THSD4: variants seen among roughly 807,000 people sequenced by gnomAD.
THSD4 encodes thrombospondin type 1 domain containing 4, also known as thrombospondin type-1 domain-containing protein 4.
THSD4 carries 69 observed loss-of-function variants against 119.0 expected under a neutral mutation model. The observed-to-expected ratio is 0.58, with a 90% CI of 0.48 to 0.71. THSD4 has a LOEUF of 0.71. Among genes scored for constraint, THSD4 ranks in the 30% least tolerant of loss-of-function variants. The pLI is 0.00. For missense variants in THSD4, 1,393 were observed against 1,391.1 expected (o/e 1.00, Z -0.02); for synonymous variants, 524 against 540.4 (o/e 0.97, Z 0.42).
In THSD4 at chr15:71,737,855, C is replaced by G; in HGVS notation, c.1754C>G (p.Ser585Trp). The G allele has an allele frequency of 6.2e-7, 1 of 1,614,244 alleles. No individual in the cohort carries two copies. The highest frequency in any genetic ancestry group is 8.5e-7 in the Non-Finnish European group (1 of 1,180,040). Reference sequence around the variant, plus strand: ...GCCCCTGAGATGTTCACCTCAGAATCGGCACAGACCTTCCCAGTCAGGCAT... The same window carrying G: ...GCCCCTGAGATGTTCACCTCAGAATGGGCACAGACCTTCCCAGTCAGGCAT... The part of the protein sequence containing the change: ...GEAPEMFTSE[S>W]AQTFPVRHPD... Residue 585 changes from serine to tryptophan, a missense_variant, in exon 11 of 18, where the codon TCG (serine) becomes TGG (tryptophan). Transcript: ENST00000261862.
At chr15:71,352,709 A>G (rs75544071) in intron 6 of THSD4, among the ~76,000 whole-genome samples, 46 of 152,338 alleles carry the variant, frequency 3.0e-4, no homozygotes, top group Non-Finnish European at 6.2e-4. Context: ...GGGAAAAGAA[A>G]TGAATAATTG....
At chr15:71,145,818 A>T (rs1186161056) in intron 2 of THSD4, among the ~76,000 whole-genome samples, 3 of 151,774 alleles carry the variant, frequency 2.0e-5, no homozygotes, top group Non-Finnish European at 4.4e-5. Context: ...AATGGGGAGA[A>T]AGAGGTTGGG....
At chr15:71,733,459 G>C (rs958671488) in intron 10 of THSD4, 4 of 152,176 alleles carry the variant, frequency 2.6e-5, no homozygotes, top group Admixed American at 6.6e-5. Flanking sequence ...CTAGCATAGA[G>C]CCCAGAACAA....
intron 6 of THSD4, among the ~76,000 whole-genome samples, chr15:71,357,120 C>T (rs553898830): frequency 6.6e-6 from 1 of 152,294 alleles, no homozygotes; most frequent in South Asian, 2.1e-4. Context: ...AAACTACTTC[C>T]AGGCATGCCC....
At chr15:71,230,536 C>T (rs1271114993) in intron 4 of THSD4, among the ~76,000 whole-genome samples, 1 of 152,230 alleles carries the variant, frequency 6.6e-6, no homozygotes, top group African/African-American at 2.4e-5. Flanking sequence ...TTGAGTTTAT[C>T]TGTGCGACAG....
At chr15:71,276,285 C>T (rs2044589361) in intron 6 of THSD4, among the ~76,000 whole-genome samples, 1 of 152,180 alleles carries the variant, frequency 6.6e-6, no homozygotes, top group Non-Finnish European at 1.5e-5. Flanking sequence ...ATCCAGTGTA[C>T]CTCTTCGGAT....
intron 6 of THSD4, among the ~76,000 whole-genome samples, chr15:71,384,612 T>G (rs1340434575): frequency 6.6e-6 from 1 of 152,196 alleles, no homozygotes; most frequent in African/African-American, 2.4e-5. Context: ...AATAGTCTTT[T>G]AAAAGAGGCA....
At chr15:71,764,887 A>G in intron 15 of THSD4, 133 bp from the exon 16 acceptor site, 1 of 1,161,784 alleles carries the variant, frequency 8.6e-7, no homozygotes, top group Non-Finnish European at 1.2e-6. Context: ...AACATTTCCA[A>G]GTTCTCCTGG....
intron 7 of THSD4, among the ~76,000 whole-genome samples, chr15:71,537,249 A>G (rs2048699263): frequency 6.6e-6 from 1 of 152,110 alleles, no homozygotes; most frequent in African/African-American, 2.4e-5. Flanking sequence ...TCCAGCTTCC[A>G]TTCTTGCCTC....
At chr15:71,239,685 CAT>C (rs1485339927) in intron 4 of THSD4, among the ~76,000 whole-genome samples, 1 of 152,242 alleles carries the variant, frequency 6.6e-6, no homozygotes, top group East Asian at 1.9e-4. Context: ...GCGCCTACCA[CAT>C]GATTCTCCTG....
chr15:71,743,980 T>C (rs1262393863), intron 11 of THSD4, among the ~76,000 whole-genome samples: 1 of 151,826 alleles, frequency 6.6e-6, no homozygotes, highest in African/African-American at 2.4e-5. Context: ...CCGGCAGGAG[T>C]TGTATACTGG....
chr15:71,171,622 T>C (rs535379603), intron 3 of THSD4, among the ~76,000 whole-genome samples: 11 of 152,284 alleles, frequency 7.2e-5, no homozygotes, highest in African/African-American at 2.6e-4. Context: ...ATTTTAAAAG[T>C]TTCTCCTAAA....
intron 7 of THSD4, among the ~76,000 whole-genome samples, chr15:71,630,143 A>C (rs1237037996): frequency 2.0e-5 from 3 of 152,182 alleles, no homozygotes; most frequent in African/African-American, 7.2e-5. Context: ...TCCCCCAGTA[A>C]AAAAAGAAAA....
chr15:71,612,893 A>G (rs1341236488), intron 7 of THSD4, among the ~76,000 whole-genome samples: 2 of 152,228 alleles, frequency 1.3e-5, no homozygotes, highest in African/African-American at 4.8e-5. Context: ...CATCAGTAGG[A>G]AGAAGTAAAC....
intron 7 of THSD4, among the ~76,000 whole-genome samples, chr15:71,637,949 A>G (rs1345504006): frequency 6.6e-6 from 1 of 151,234 alleles, no homozygotes; most frequent in Non-Finnish European, 1.5e-5. Context: ...CTGGTCTCCA[A>G]CTCCTGACCT....
chr15:71,659,470 G>A (rs185160076), intron 7 of THSD4, among the ~76,000 whole-genome samples: 371 of 152,198 alleles, frequency 2.4e-3, no homozygotes, highest in Admixed American at 6.2e-3. Flanking sequence ...CCAGGCTGGA[G>A]TACAATGATG....
At chr15:71,483,235 T>G (rs2047761675) in intron 7 of THSD4, among the ~76,000 whole-genome samples, 3 of 152,304 alleles carry the variant, frequency 2.0e-5, no homozygotes, top group Non-Finnish European at 2.9e-5. Context: ...TCAGACTGAT[T>G]ACGCAGTCAC....
chr15:71,199,415 C>T (rs2043747854), intron 3 of THSD4, among the ~76,000 whole-genome samples: 2 of 144,372 alleles, frequency 1.4e-5, no homozygotes, highest in Admixed American at 7.2e-5. Flanking sequence ...ACCCTAGACA[C>T]TGTTGACATT....
At chr15:71,668,965 A>G (rs1399343319) in intron 8 of THSD4, among the ~76,000 whole-genome samples, 1 of 152,222 alleles carries the variant, frequency 6.6e-6, no homozygotes, top group African/African-American at 2.4e-5. Context: ...GCTTCCATGA[A>G]TATCCTAATA....
Sources: gnomAD v4.1 joint callset for allele counts (sites outside exome capture counted in the v4.1 genomes callset) on GRCh38, gnomAD v4.1.1 for gene constraint, MANE v1.5 for transcripts, NCBI Gene and HGNC (gene_info 2026-07-23, HGNC 2026-07-21) for gene names.